The following OSBPL5 variants were observed in gnomAD, a reference collection of about 807,000 sequenced individuals.
OSBPL5 encodes oxysterol-binding protein-related protein 5.
OSBPL5 carries 71 observed loss-of-function variants against 111.2 expected under a neutral mutation model. The observed-to-expected ratio is 0.64, with a 90% CI of 0.53 to 0.78. OSBPL5 has a LOEUF of 0.78. Ranked by LOEUF, OSBPL5 falls within the 30% of genes least tolerant of loss-of-function variation. The pLI is 0.00. For missense variants in OSBPL5, 1,210 were observed against 1,189.3 expected (o/e 1.02, Z -0.26); for synonymous variants, 549 against 513.9 (o/e 1.07, Z -0.93).
chr11:3,102,949 C>T lies in OSBPL5; in HGVS notation c.1326+290G>A, dbSNP rs7125784. On this transcript the variant is annotated intron_variant, in intron 11 of 21. Coordinates refer to ENST00000263650, the MANE Select transcript of OSBPL5 (RefSeq NM_020896.4). ...CTTTCTTTTGGCACCATCTGTAATA[C>T]GGCCTGAGGCTGTTTTCTTGGGGGG... Among the ~76,000 whole-genome samples the T allele has an allele frequency of 6.0e-3, 914 of 152,266 alleles. 10 individuals carry two copies. Among genetic ancestry groups the T allele is most frequent in the African/African-American group, 0.02 (843 of 41,544 alleles).
rs530047661 is a variant in OSBPL5 at position 3,126,726 on chromosome 11, C to T, written c.137-171G>A. On this transcript the variant is annotated intron_variant, in intron 2 of 21. Coordinates refer to ENST00000263650, the MANE Select transcript of OSBPL5 (RefSeq NM_020896.4). The surrounding 1 kb of genome is among the most constrained non-coding windows in gnomAD (Gnocchi z 6.5). ...GACACTGCCTGAGAGGTGTAATAAA[C>T]GCCAGCAAGCGTCACTGTGGGAGGA... The T allele has an allele frequency of 1.2e-3, 590 of 511,790 alleles. 1 individual carries two copies. Among genetic ancestry groups the T allele is most frequent in the South Asian group, 1.5e-3 (62 of 40,118 alleles). The allele number at this position is 511,790 out of a possible 1,614,324, so 31.7% of individuals were successfully genotyped here. A position where few individuals can be genotyped will look rare whatever the true frequency, so the allele number is the denominator to read the frequency against.
chr11:3,155,937 G>A (rs1846745348), intron 1 of OSBPL5, among the ~76,000 whole-genome samples: 1 of 152,236 alleles, frequency 6.6e-6, no homozygotes, highest in African/African-American at 2.4e-5. Context: ...TCAGTCTCAG[G>A]CTCAAGCCTG....
chr11:3,103,883 G>GC (rs1047528945), intron 10 of OSBPL5, among the ~76,000 whole-genome samples: 2 of 53,802 alleles, frequency 3.7e-5, no homozygotes, highest in African/African-American at 1.1e-4. Flanking sequence ...TGCCTCTGTA[G>GC]CCCCATTCCT....
chr11:3,128,089 C>T (rs911009750), intron 2 of OSBPL5, among the ~76,000 whole-genome samples: 1 of 152,236 alleles, frequency 6.6e-6, no homozygotes, highest in East Asian at 1.9e-4. Context: ...AGTGCCCCTG[C>T]CTGCCATAGC....
At chr11:3,093,475 T>A in intron 17 of OSBPL5, 52 bp downstream of exon 17, 2 of 1,588,036 alleles carry the variant, frequency 1.3e-6, no homozygotes, top group Non-Finnish European at 1.7e-6. Flanking sequence ...CCTGCCTGCT[T>A]GGCCATGTCA....
At chr11:3,108,234 A>G (rs1014943687) in intron 7 of OSBPL5, among the ~76,000 whole-genome samples, 25 of 152,112 alleles carry the variant, frequency 1.6e-4, no homozygotes, top group Non-Finnish European at 1.9e-4. Context: ...AGCCCTGCAG[A>G]GGCACCTGGG....
At chr11:3,153,658 A>G (rs1846659419) in intron 1 of OSBPL5, among the ~76,000 whole-genome samples, 1 of 152,152 alleles carries the variant, frequency 6.6e-6, no homozygotes, top group Non-Finnish European at 1.5e-5. Context: ...CAAAGCAGAC[A>G]CAGTTTAAAA....
Position 3,156,804 on chromosome 11 carries a change from G to A in OSBPL5, c.-22+8412C>T, listed in dbSNP as rs1430430830. 2.6e-5 allele frequency among the ~76,000 whole-genome samples: 4 copies of A among 152,244 alleles called. No individual in the cohort carries two copies. The South Asian group carries it at 6.2e-4, about 24-fold the overall frequency. ...ACACAGGCCGAGGGCCGGCACCCAC[G>A]GTGAGCTGGCTCATGCTCCCACCAC... On this transcript the variant is annotated intron_variant, in intron 1 of 21. Coordinates refer to ENST00000263650, the MANE Select transcript of OSBPL5 (RefSeq NM_020896.4).
chr11:3,119,634 GGA>G lies in OSBPL5; in HGVS notation c.607-5_607-4del, dbSNP rs544164270. 3.7e-5 allele frequency: 59 copies of G among 1,578,452 alleles called. No homozygotes were observed. Among genetic ancestry groups the G allele is most frequent in the Admixed American group, 2.1e-4 (11 of 53,546 alleles). On this transcript the variant is annotated splice_polypyrimidine_tract_variant and splice_region_variant and intron_variant, in intron 6 of 21. Transcript: ENST00000263650. ...CCCACGCTCTCACCTTTGGGGCCCT[GGA>G]GAGAGAGAGATCTGGGTGTCACCCG...
chr11:3,158,954 G>A (rs1306640900), intron 1 of OSBPL5, among the ~76,000 whole-genome samples: 2 of 152,128 alleles, frequency 1.3e-5, no homozygotes, highest in Non-Finnish European at 2.9e-5. Context: ...TGGGGGTTGC[G>A]GGCAAATGTC....
intron 2 of OSBPL5, among the ~76,000 whole-genome samples, chr11:3,127,151 C>T (rs59956565): frequency 0.041 from 6,305 of 152,256 alleles, 187 homozygotes; most frequent in African/African-American, 0.075. Flanking sequence ...TCCCAAGGTA[C>T]GATTTCTGGA....
chr11:3,151,544 A>C (rs1445707854), intron 1 of OSBPL5, among the ~76,000 whole-genome samples: 2 of 152,180 alleles, frequency 1.3e-5, no homozygotes, highest in Non-Finnish European at 2.9e-5. Flanking sequence ...CTGGGGGTGC[A>C]TCCAAACCGA....
At chr11:3,144,378 G>A (rs1050800926) in intron 1 of OSBPL5, among the ~76,000 whole-genome samples, 9 of 152,198 alleles carry the variant, frequency 5.9e-5, no homozygotes, top group East Asian at 5.8e-4. Context: ...CGCTGGCAGC[G>A]GTGGACTATG....
chr11:3,120,473 C>T lies in OSBPL5; in HGVS notation c.554G>A (p.Gly185Asp). ...ELIERPSKKD[G>D]FCFKLFHPLD... is the part of the protein sequence containing the mutation. Reference sequence around the variant, plus strand: ...CGGGTGGAAGAGCTTGAAGCAGAAGCCGTCCTTCTTGGAGGGCCGCTCGAT... The same window carrying T: ...CGGGTGGAAGAGCTTGAAGCAGAAGTCGTCCTTCTTGGAGGGCCGCTCGAT... Residue 185 changes from glycine to aspartate, a missense_variant, in exon 6 of 22, where the codon GGC becomes GAC. Gly to Asp is a moderately conservative substitution (Grantham distance 94). Coordinates refer to ENST00000263650, the MANE Select transcript of OSBPL5 (RefSeq NM_020896.4). 1 of 1,613,362 alleles carries T rather than the reference C, an allele frequency of 6.2e-7. No individual in the cohort carries two copies. Among genetic ancestry groups the T allele is most frequent in the Non-Finnish European group, 8.5e-7 (1 of 1,180,034 alleles).
chr11:3,120,288 G>T, intron 6 of OSBPL5, 133 bp downstream of exon 6: 1 of 1,102,624 alleles, frequency 9.1e-7, no homozygotes, highest in Non-Finnish European at 1.3e-6. Context: ...GTGGGGCTCA[G>T]AGAAGGTGAG....
chr11:3,112,056 C>CAT (rs1857990013), intron 7 of OSBPL5, among the ~76,000 whole-genome samples: 1 of 32,038 alleles, frequency 3.1e-5, no homozygotes, highest in African/African-American at 9.6e-5. Flanking sequence ...CATGTGTGTG[C>CAT]ATGTGTATGT....
chr11:3,151,334 C>T (rs1408711716), intron 1 of OSBPL5, among the ~76,000 whole-genome samples: 2 of 152,216 alleles, frequency 1.3e-5, no homozygotes, highest in Non-Finnish European at 2.9e-5. Flanking sequence ...CCCCAGAGCA[C>T]TCATGCCCTG....
Position 3,161,483 on chromosome 11 carries a change from A to G in OSBPL5, c.-22+3733T>C, listed in dbSNP as rs1038303002. The G allele has an allele frequency of 5.4e-4, 83 of 152,362 alleles. No individual in the cohort carries two copies. The highest frequency in any genetic ancestry group is 1.9e-3 in the African/African-American group (80 of 41,576). The allele number at this position is 152,362 out of a possible 1,614,324, so 9.4% of individuals were successfully genotyped here. On this transcript the variant is annotated intron_variant, in intron 1 of 21. Coordinates refer to ENST00000263650, the MANE Select transcript of OSBPL5 (RefSeq NM_020896.4). The surrounding 1 kb of genome is among the most constrained non-coding windows in gnomAD (Gnocchi z 8.0). ...AGATGGGGGCAGCCAGTCTCAATCT[A>G]CTGACCTCCCTGGGATGAGACAGTA...
chr11:3,135,252 A>G (rs1845918401), intron 1 of OSBPL5, among the ~76,000 whole-genome samples: 1 of 152,266 alleles, frequency 6.6e-6, no homozygotes. Flanking sequence ...ACACTGGCCC[A>G]GCTGACTTCC....
Sources: allele counts gnomAD v4.1 joint callset (sites outside exome capture counted in the v4.1 genomes callset), GRCh38; gene constraint gnomAD v4.1.1; non-coding constraint Gnocchi (gnomAD v3.1); transcripts MANE v1.5; gene names NCBI Gene and HGNC (gene_info 2026-07-23, HGNC 2026-07-21).